DNAH12: variants seen among roughly 807,000 people sequenced by gnomAD.
The protein encoded by DNAH12 is axonemal beta dynein heavy chain 12.
A neutral mutation model predicts 371.5 loss-of-function variants in DNAH12; 285 were observed. That is an observed-to-expected ratio of 0.77 (90% CI 0.70 to 0.85). The LOEUF is 0.85. DNAH12 is among the 40% of genes least tolerant of loss of function. The pLI is 0.00. For synonymous variants in DNAH12, 1,200 were observed against 1,213.0 expected (o/e 0.99, Z 0.22); for missense variants, 3,611 against 3,689.4 (o/e 0.98, Z 0.55).
chr3:57,325,411 T>C (rs1439699997), intron 62 of DNAH12, among the ~76,000 whole-genome samples: 2 of 152,180 alleles, frequency 1.3e-5, no homozygotes, highest in Non-Finnish European at 2.9e-5. Flanking sequence ...CATTCGTGGT[T>C]CACGAAAAAC....
intron 17 of DNAH12, among the ~76,000 whole-genome samples, chr3:57,466,190 A>C (rs2066197329): frequency 6.6e-6 from 1 of 152,178 alleles, no homozygotes; most frequent in Admixed American, 6.6e-5. Context: ...AAAACAAAGA[A>C]AGAAAATAAT....
chr3:57,506,844 C>A (rs147699033), intron 8 of DNAH12, among the ~76,000 whole-genome samples: 1 of 151,926 alleles, frequency 6.6e-6, no homozygotes, highest in African/African-American at 2.4e-5. Flanking sequence ...TTCTAAAGTA[C>A]GAATAATGGT....
At chr3:57,403,968 T>C (rs1553680075) in intron 42 of DNAH12, among the ~76,000 whole-genome samples, 1 of 152,186 alleles carries the variant, frequency 6.6e-6, no homozygotes, top group Non-Finnish European at 1.5e-5. Context: ...TTACAGTATC[T>C]GCCAGTCCTA....
chr3:57,475,723 T>A (rs1485843632), intron 13 of DNAH12, among the ~76,000 whole-genome samples: 1 of 152,142 alleles, frequency 6.6e-6, no homozygotes, highest in East Asian at 1.9e-4. Flanking sequence ...TTTAGGAAAA[T>A]GCAAATTGAA....
chr3:57,304,955 T>C (rs2061438052), intron 69 of DNAH12, among the ~76,000 whole-genome samples: 1 of 151,882 alleles, frequency 6.6e-6, no homozygotes, highest in Non-Finnish European at 1.5e-5. Context: ...CATTCCTCCT[T>C]TTTCTCCCTT....
intron 16 of DNAH12, 64 bp from the exon 17 acceptor site, chr3:57,469,043 C>A: frequency 7.0e-7 from 1 of 1,437,228 alleles, no homozygotes; most frequent in Non-Finnish European, 9.2e-7. Flanking sequence ...CCTTAGAGAT[C>A]CTTTAGGCTA....
At chr3:57,520,004 C>G in intron 4 of DNAH12, 1 of 788,444 alleles carries the variant, frequency 1.3e-6, no homozygotes, top group Non-Finnish European at 2.2e-6. Context: ...TCTTCCACGT[C>G]GGCCATGGTA....
At position 57,445,913 on chromosome 3, in the gene DNAH12, G is replaced by A. The variant is rs535760023; in HGVS notation, c.4179+118C>T. Reference sequence around the variant, plus strand: ...TGAGGCAAGAGAATCGCTTGAACCCGGGAGGTGGAGGTTGCAGTGAGCCAA... The same window carrying A: ...TGAGGCAAGAGAATCGCTTGAACCCAGGAGGTGGAGGTTGCAGTGAGCCAA... On this transcript the variant is annotated intron_variant, in intron 27 of 73. Coordinates refer to ENST00000495027, the MANE Select transcript of DNAH12 (RefSeq NM_001366028.2). The A allele has an allele frequency of 2.1e-4, 196 of 929,950 alleles. 2 individuals are homozygous for A. In the South Asian group the frequency reaches 4.0e-3, roughly 19 times the overall value. 57.6% of individuals were successfully genotyped at this position (929,950 alleles called of 1,614,324 possible). A position where few individuals can be genotyped will look rare whatever the true frequency, so the allele number is the denominator to read the frequency against.
chr3:57,309,064 C>T (rs1007927359), intron 69 of DNAH12, 87 bp downstream of exon 69: 37 of 1,106,162 alleles, frequency 3.3e-5, no homozygotes, highest in African/African-American at 2.7e-4. Flanking sequence ...AAATTTTCGC[C>T]GCCCCAACAC....
Position 57,452,845 on chromosome 3 carries a change from A to C in DNAH12, c.3784T>G (p.Leu1262Val), listed in dbSNP as rs187309173. Residue 1262 changes from leucine to valine, a missense_variant and splice_region_variant, in exon 25 of 74, where the codon TTG becomes GTG. By Grantham distance (32) the Leu-to-Val change is conservative (BLOSUM62 1). Around this residue, in one of 3 missense-constraint regions of DNAH12, gnomAD observed 2,266 missense variants for 2,236.9 expected, o/e 1.01. Coordinates refer to ENST00000495027, the MANE Select transcript of DNAH12 (RefSeq NM_001366028.2). ...TPLTDRCYRT[L>V]IGAFYLNLGG... ...ATTAAGATAATTTAAATGCATACCA[A>C]TGTTCTGTAACACCTGTCAGTTAGA... is the stretch of plus-strand genomic sequence containing the variant. 6.5e-7 allele frequency: 1 copy of C among 1,541,638 alleles called. No homozygotes were observed. Among genetic ancestry groups the C allele is most frequent in the South Asian group, 1.2e-5 (1 of 81,136 alleles).
rs61570396 is a variant in DNAH12 at position 57,521,063 on chromosome 3, C to CAA, written c.279+2518_279+2519dup. 1.5e-3 allele frequency among the ~76,000 whole-genome samples: 82 copies of CAA among 54,480 alleles called. 18 individuals carry two copies. Among genetic ancestry groups the CAA allele is most frequent in the Non-Finnish European group, 2.5e-3 (65 of 25,804 alleles). 35.7% of individuals were successfully genotyped at this position (54,480 alleles called of 152,430 possible). On this transcript the variant is annotated intron_variant, in intron 4 of 73. Transcript: ENST00000495027. ...TGGGCGACAAAGTGAGACTCTGTCT[C>CAA]AAAAAAAAAAAAAAAAAAAAAAAAA...
At chr3:57,512,034 A>G (rs1051187819) in intron 4 of DNAH12, among the ~76,000 whole-genome samples, 3 of 151,976 alleles carry the variant, frequency 2.0e-5, no homozygotes, top group African/African-American at 2.4e-5. Context: ...AATACTAGAT[A>G]CAAAAAAGGA....
chr3:57,294,111 A>G, intron 73 of DNAH12, 140 bp from the exon 74 acceptor site: 1 of 661,238 alleles, frequency 1.5e-6, no homozygotes, highest in Middle Eastern at 4.6e-4. Context: ...TTTACAGCAT[A>G]TATATTTTTT....
intron 39 of DNAH12, among the ~76,000 whole-genome samples, 159 bp downstream of exon 39, chr3:57,413,587 T>C (rs1161672414): frequency 6.6e-6 from 1 of 152,176 alleles, no homozygotes; most frequent in Non-Finnish European, 1.5e-5. Context: ...TAATTTAAAA[T>C]AGTCTTTTCG....
Position 57,296,984 on chromosome 3 carries a change from C to T in DNAH12, c.11395G>A (p.Asp3799Asn), listed in dbSNP as rs1195625418. ...DFLARLNFLQ[D>N]WYNSGKPCVF... ...CAAGGTTTTCCTGAATTATACCAGTCCTACAAAGGGAAAACAAAACACATT... is the reference window on the plus strand; with the variant it reads ...CAAGGTTTTCCTGAATTATACCAGTTCTACAAAGGGAAAACAAAACACATT... The change falls in exon 71 of 74, where the codon GAC becomes AAC. Residue 3799 changes from aspartate (D) to asparagine (N), a missense_variant and splice_region_variant. Asp to Asn is a conservative substitution (Grantham distance 23, BLOSUM62 1). This residue lies in a region of DNAH12 where 2,266 missense variants were observed against 2,236.9 expected (regional missense o/e 1.01). Coordinates refer to ENST00000495027, the MANE Select transcript of DNAH12 (RefSeq NM_001366028.2). 6.4e-7 allele frequency: 1 copy of T among 1,551,272 alleles called. No homozygotes were observed. The highest frequency in any genetic ancestry group is 2.0e-5 in the Admixed American group (1 of 50,950).
In DNAH12 at chr3:57,445,213, A is replaced by G; in HGVS notation, c.4386T>C (p.Asn1462=). ...AVKAVLVAAG[N]LKLKYPNENE... ...TTTCATTTGGGTATTTTAGTTTTAG[A>G]TTGCCAGCAGCCACTAAAACGGCTT... is the stretch of plus-strand genomic sequence containing the variant. Residue 1462 remains asparagine, a synonymous_variant, in exon 28 of 74, where the codon AAT becomes AAC. Transcript: ENST00000495027. 6.5e-7 allele frequency: 1 copy of G among 1,549,176 alleles called. No individual in the cohort carries two copies.
chr3:57,475,763 C>A (rs545173077), intron 13 of DNAH12, among the ~76,000 whole-genome samples: 5 of 152,266 alleles, frequency 3.3e-5, no homozygotes, highest in African/African-American at 1.2e-4. Context: ...AATAGACTGG[C>A]AAAATTTAAT....
At chr3:57,495,619 T>C (rs904608868) in intron 11 of DNAH12, among the ~76,000 whole-genome samples, 2 of 146,572 alleles carry the variant, frequency 1.4e-5, no homozygotes, top group African/African-American at 5.0e-5. Flanking sequence ...ATTTTGTATA[T>C]ATTATATATA....
upstream of DNAH12, among the ~76,000 whole-genome samples, chr3:57,545,625 T>C (rs1280693572): frequency 6.6e-6 from 1 of 151,974 alleles, no homozygotes; most frequent in Non-Finnish European, 1.5e-5. Flanking sequence ...ATTAGGTAGA[T>C]AGCAAGGGAA....
Sources: allele counts gnomAD v4.1 joint callset (sites outside exome capture counted in the v4.1 genomes callset), GRCh38; gene constraint gnomAD v4.1.1; regional missense constraint gnomAD v4.1.1; transcripts MANE v1.5; gene names NCBI Gene and HGNC (gene_info 2026-07-23, HGNC 2026-07-21).